PCDHGB7: variants seen among roughly 807,000 people sequenced by gnomAD.
The protein encoded by PCDHGB7 is protocadherin gamma-B7.
A neutral mutation model predicts 61.4 loss-of-function variants in PCDHGB7; 37 were observed. The ratio of observed to expected loss-of-function variants is 0.60; its 90% confidence interval spans 0.46 to 0.79. The LOEUF (loss-of-function observed/expected upper bound fraction) is 0.79. PCDHGB7 is among the 30% of genes least tolerant of loss of function. The probability of loss-of-function intolerance (pLI) is 0.00; values close to 1 mark genes in which losing one functional copy is unlikely to be tolerated. For synonymous variants in PCDHGB7, 464 were observed against 503.5 expected, an observed-to-expected ratio of 0.92 and a Z score of 1.05; for missense variants, 1,166 against 1,202.5, an observed-to-expected ratio of 0.97 and a Z score of 0.45.
chr5:141,487,135 A>G lies in PCDHGB7; in HGVS notation c.2416-7672A>G. 6.2e-7 allele frequency: 1 copy of G among 1,613,544 alleles called. No individual in the cohort carries two copies. The highest frequency in any genetic ancestry group is 8.5e-7 in the Non-Finnish European group (1 of 1,179,856). ...TGGTAAAGGATAGTGGTAGTCCACC[A>G]CTCTCTACCTCTGTTACTCTCTTAG... On this transcript the variant is annotated intron_variant, in intron 1 of 3. Transcript: ENST00000398594. The surrounding 1 kb of genome is among the most constrained non-coding windows in gnomAD (Gnocchi z 5.0).
intron 1 of PCDHGB7, among the ~76,000 whole-genome samples, chr5:141,446,777 C>CTT (rs1480571336): frequency 1.3e-5 from 2 of 152,072 alleles, no homozygotes; most frequent in Non-Finnish European, 2.9e-5. Flanking sequence ...GGTTACCATT[C>CTT]TTTTACTCTG....
In PCDHGB7 at chr5:141,491,149, G is replaced by T; in HGVS notation, c.2416-3658G>T. 6.8e-6 allele frequency: 11 copies of T among 1,614,152 alleles called. No homozygotes were observed. The highest frequency in any genetic ancestry group is 9.3e-6 in the Non-Finnish European group (11 of 1,180,010). On this transcript the variant is annotated intron_variant, in intron 1 of 3. Transcript: ENST00000398594. This position sits in a 1 kb window ranked among gnomAD's most constrained non-coding sequence, Gnocchi z 6.9. ...GCGCACAGCCCGGGCCTTACTGGAGGATGACTCTGACACCCAGCAGGTGGT... is the reference window on the plus strand; with the variant it reads ...GCGCACAGCCCGGGCCTTACTGGAGTATGACTCTGACACCCAGCAGGTGGT...
intron 1 of PCDHGB7, chr5:141,424,468 C>A (rs1301878037): frequency 1.3e-5 from 2 of 152,072 alleles, no homozygotes; most frequent in South Asian, 2.1e-4. Context: ...TCCTTTTATT[C>A]TTTTACTTTG....
rs746318177 is a variant in PCDHGB7 at position 141,431,715 on chromosome 5, T to G, written c.2415+11441T>G. On this transcript the variant is annotated intron_variant, in intron 1 of 3. Coordinates refer to ENST00000398594, the MANE Select transcript of PCDHGB7 (RefSeq NM_018927.4). The surrounding 1 kb of genome is among the most constrained non-coding windows in gnomAD (Gnocchi z 4.8). Reference sequence around the variant, plus strand: ...GAGTCAGGATTCTACCAGATGGAAGTGCAAGCAATGGATAATGCAGGATAT... The same window carrying G: ...GAGTCAGGATTCTACCAGATGGAAGGGCAAGCAATGGATAATGCAGGATAT... 5.6e-6 allele frequency: 9 copies of G among 1,614,178 alleles called. No homozygotes were observed. The highest frequency in any genetic ancestry group is 6.8e-6 in the Non-Finnish European group (8 of 1,180,042).
At chr5:141,433,207 TC>T (rs780557883) in intron 1 of PCDHGB7, 10 of 1,568,868 alleles carry the variant, frequency 6.4e-6, no homozygotes, top group African/African-American at 1.4e-5. Flanking sequence ...AAATCTTCTT[TC>T]TTTTTTTTTT....
intron 1 of PCDHGB7, among the ~76,000 whole-genome samples, chr5:141,450,008 T>A (rs78952430): frequency 4.8e-4 from 18 of 37,340 alleles, no homozygotes; most frequent in African/African-American, 6.8e-4. Context: ...CCATGTCTCT[T>A]TTTTTTTTTT....
intron 1 of PCDHGB7, among the ~76,000 whole-genome samples, chr5:141,482,794 G>A (rs374042779): frequency 6.2e-5 from 8 of 129,246 alleles, no homozygotes; most frequent in Non-Finnish European, 8.1e-5. Flanking sequence ...GTGTGTGGCC[G>A]GGTACGGTGG....
Position 141,512,288 on chromosome 5 carries a change from TCAGCGGAGCCCCAGCAGGAAGGGTGGGC to T in PCDHGB7, c.*1120_*1147del, listed in dbSNP as rs1375137843. The T allele has an allele frequency of 6.5e-6, 1 of 152,680 alleles. No individual in the cohort carries two copies. Among genetic ancestry groups the T allele is most frequent in the Non-Finnish European group, 1.5e-5 (1 of 68,182 alleles). The allele number at this position is 152,680 out of a possible 1,614,324, so 9.5% of individuals were successfully genotyped here. ...TCCAGAGGTGCCACTGGTGGAAGGG[TCAGCGGAGCCCCAGCAGGAAGGGTGGGC>T]CAGCCAGGCCATTCTTAGTCCCTGG... On this transcript the variant is annotated 3_prime_UTR_variant, in exon 4 of 4. Coordinates refer to ENST00000398594, the MANE Select transcript of PCDHGB7 (RefSeq NM_018927.4).
At position 141,486,061 on chromosome 5, in the gene PCDHGB7, C is replaced by T. The variant is rs1280895997; in HGVS notation, c.2416-8746C>T. 2 of 1,614,166 alleles carry T rather than the reference C, an allele frequency of 1.2e-6. No individual in the cohort carries two copies. Among genetic ancestry groups the T allele is most frequent in the South Asian group, 1.1e-5 (1 of 91,078 alleles). On this transcript the variant is annotated intron_variant, in intron 1 of 3. Coordinates refer to ENST00000398594, the MANE Select transcript of PCDHGB7 (RefSeq NM_018927.4). The surrounding 1 kb of genome is among the most constrained non-coding windows in gnomAD (Gnocchi z 5.0). ...GTGTAAGAAACCTCTTTAGCCTGCA[C>T]CCCACTACTGGAAAGCTTACTCTTT...
chr5:141,469,974 T>C (rs1456176152), intron 1 of PCDHGB7, among the ~76,000 whole-genome samples: 1 of 151,864 alleles, frequency 6.6e-6, no homozygotes, highest in African/African-American at 2.4e-5. Context: ...GTACCAAAAA[T>C]ACAAAAATTA....
At chr5:141,488,268 C>T (rs1371050827) in intron 1 of PCDHGB7, among the ~76,000 whole-genome samples, 1 of 152,170 alleles carries the variant, frequency 6.6e-6, no homozygotes, top group East Asian at 1.9e-4. Context: ...GCGGGTTGGT[C>T]ATCACCTTTG....
chr5:141,475,705 A>G (rs2099367264), intron 1 of PCDHGB7, among the ~76,000 whole-genome samples: 1 of 152,246 alleles, frequency 6.6e-6, no homozygotes. Flanking sequence ...CAGAACGGCT[A>G]GCCTCACAGC....
intron 1 of PCDHGB7, among the ~76,000 whole-genome samples, chr5:141,450,814 A>ATT (rs755856825): frequency 0.033 from 4,450 of 136,778 alleles, 81 homozygotes; most frequent in Middle Eastern, 0.081. Context: ...TTATTTATTT[A>ATT]ATATTATTAT....
At chr5:141,482,544 A>AAAC (rs1041838777) in intron 1 of PCDHGB7, among the ~76,000 whole-genome samples, 4 of 151,844 alleles carry the variant, frequency 2.6e-5, no homozygotes, top group Non-Finnish European at 4.4e-5. Context: ...AAAAAAAAAA[A>AAAC]AAAAAGATAA....
Position 141,511,151 on chromosome 5 carries a change from C to T in PCDHGB7, c.2768C>T (p.Ser923Leu), listed in dbSNP as rs202071188. The T allele has an allele frequency of 3.0e-5, 49 of 1,614,152 alleles. No individual in the cohort carries two copies. The highest frequency in any genetic ancestry group is 2.6e-4 in the South Asian group (24 of 91,066). The change falls in exon 4 of 4, where the codon TCG becomes TTG. Residue 923 changes from serine (S) to leucine (L), a missense_variant. Ser to Leu is a moderately radical substitution (Grantham distance 145, BLOSUM62 -2). Coordinates refer to ENST00000398594, the MANE Select transcript of PCDHGB7 (RefSeq NM_018927.4). ...GGTGGCAATGGCAACAAGAAGAAGT[C>T]GGGCAAGAAGGAGAAGAAGTAACAT... ...PAGGNGNKKK[S>L]GKKEKK
At position 141,486,004 on chromosome 5, in the gene PCDHGB7, C is replaced by T; in HGVS notation, c.2416-8803C>T. The T allele has an allele frequency of 6.2e-7, 1 of 1,614,184 alleles. No homozygotes were observed. The highest frequency in any genetic ancestry group is 8.5e-7 in the Non-Finnish European group (1 of 1,180,008). The stretch of plus-strand genomic sequence containing the variant: ...CGGACCTGGGTCCCAGTGGTAACGT[C>T]ACCTTTTATTTCAGTGGTCATACCC... On this transcript the variant is annotated intron_variant, in intron 1 of 3. Coordinates refer to ENST00000398594, the MANE Select transcript of PCDHGB7 (RefSeq NM_018927.4). This position sits in a 1 kb window ranked among gnomAD's most constrained non-coding sequence, Gnocchi z 5.0.
At chr5:141,482,366 AT>A (rs1425349819) in intron 1 of PCDHGB7, among the ~76,000 whole-genome samples, 1 of 152,150 alleles carries the variant, frequency 6.6e-6, no homozygotes, top group Non-Finnish European at 1.5e-5. Flanking sequence ...GTGAAAAGTA[AT>A]GCATATAAAG....
At chr5:141,433,044 A>T in intron 1 of PCDHGB7, 2 of 1,613,972 alleles carry the variant, frequency 1.2e-6, no homozygotes, top group Non-Finnish European at 8.5e-7. Flanking sequence ...CTCACCACGG[A>T]CTCGCGGAAG....
In PCDHGB7 at chr5:141,491,679, T is replaced by G. The variant is rs111288145; in HGVS notation, c.2416-3128T>G. 1 of 1,613,496 alleles carries G rather than the reference T, an allele frequency of 6.2e-7. No individual in the cohort carries two copies. Among genetic ancestry groups the G allele is most frequent in the Non-Finnish European group, 8.5e-7 (1 of 1,179,828 alleles). On this transcript the variant is annotated intron_variant, in intron 1 of 3. Coordinates refer to ENST00000398594, the MANE Select transcript of PCDHGB7 (RefSeq NM_018927.4). The surrounding 1 kb of genome is among the most constrained non-coding windows in gnomAD (Gnocchi z 6.9). ...CTGACGCCATCCGGTCCCGCTCTAA[T>G]ACGCTGCGGGAGCGGAGCCAGGTGA...
Sources: gnomAD v4.1 joint callset for allele counts (sites outside exome capture counted in the v4.1 genomes callset) on GRCh38, gnomAD v4.1.1 for gene constraint, Gnocchi (gnomAD v3.1) non-coding constraint, MANE v1.5 for transcripts, NCBI Gene and HGNC (gene_info 2026-07-23, HGNC 2026-07-21) for gene names.